Variants in STMN3 observed in about 807,000 individuals in gnomAD.
The protein encoded by STMN3 is stathmin 3, also known as stathmin-3.
A neutral mutation model predicts 23.2 loss-of-function variants in STMN3; 24 were observed. The ratio of observed to expected loss-of-function variants is 1.03; its 90% CI spans 0.75 to 1.45. STMN3 has a LOEUF of 1.45. Among genes scored for constraint, STMN3 ranks in the 40% most tolerant of loss-of-function variants. STMN3 has a pLI of 0.00. For missense variants in STMN3, 235 were observed against 237.6 expected (o/e 0.99, Z 0.07); for synonymous variants, 117 against 103.4 (o/e 1.13, Z -0.80).
intron 1 of STMN3, among the ~76,000 whole-genome samples, chr20:63,646,285 C>G (rs1444046571): frequency 2.0e-5 from 3 of 151,906 alleles, no homozygotes; most frequent in Non-Finnish European, 2.9e-5. Flanking sequence ...TGGTCATTGT[C>G]TTCAGGGAGG....
intron 1 of STMN3, among the ~76,000 whole-genome samples, chr20:63,649,930 G>A (rs2089844524): frequency 6.9e-6 from 1 of 145,436 alleles, no homozygotes; most frequent in South Asian, 2.2e-4. Context: ...CAGTTCAAGT[G>A]ATTCTCCTGC....
At chr20:63,647,651 T>C (rs554000777) in intron 1 of STMN3, among the ~76,000 whole-genome samples, 115 of 134,310 alleles carry the variant, frequency 8.6e-4, no homozygotes, top group East Asian at 3.4e-3. Context: ...TATATATACA[T>C]GTATATATAT....
intron 1 of STMN3, among the ~76,000 whole-genome samples, chr20:63,649,888 G>A (rs779765126): frequency 1.4e-5 from 2 of 146,734 alleles, no homozygotes; most frequent in East Asian, 2.0e-4. Context: ...GTGCAGTGGC[G>A]CGATGTCGGC....
chr20:63,644,951 G>A (rs1006776719), intron 1 of STMN3, among the ~76,000 whole-genome samples: 1 of 152,168 alleles, frequency 6.6e-6, no homozygotes, highest in Non-Finnish European at 1.5e-5. Flanking sequence ...TCAGGTACCT[G>A]CCCAGACTGA....
At position 63,641,376 on chromosome 20, in the gene STMN3, G is replaced by T; in HGVS notation, c.505C>A (p.Arg169Ser). The T allele has an allele frequency of 6.4e-7, 1 of 1,568,800 alleles. No homozygotes were observed. The highest frequency in any genetic ancestry group is 1.2e-5 in the South Asian group (1 of 85,488). Reference protein sequence around the residue: ...REKELHAAEVRRNKEQREEMS... With the variant: ...REKELHAAEVSRNKEQREEMS... ...TCTTCTCGCTGCTCCTTGTTCCTGC[G>T]CACCTCGGCCGCGTGCAGCTCCTGC... The change falls in exon 5 of 5, where the codon CGC becomes AGC. Residue 169 changes from arginine to serine, a missense_variant. Arg to Ser is a moderately radical substitution (Grantham distance 110). Transcript: ENST00000370053.
At chr20:63,641,418 G>A (rs755128075) in intron 4 of STMN3, 21 bp from the exon 5 acceptor site, 80 of 1,554,608 alleles carry the variant, frequency 5.1e-5, no homozygotes, top group Non-Finnish European at 6.1e-5. Context: ...GGGGGCGGGA[G>A]GGCCTGAGGG....
intron 1 of STMN3, among the ~76,000 whole-genome samples, chr20:63,647,991 T>TATATATATATATAAAC (rs1288050001): frequency 1.3e-5 from 1 of 75,894 alleles, no homozygotes; most frequent in Non-Finnish European, 2.7e-5. Context: ...CATATATATA[T>TATATATATATATAAAC]ACAGAGAGAG....
At chr20:63,649,694 C>G (rs2089842697) in intron 1 of STMN3, among the ~76,000 whole-genome samples, 1 of 152,046 alleles carries the variant, frequency 6.6e-6, no homozygotes, top group Non-Finnish European at 1.5e-5. Context: ...CCACGCCCAG[C>G]TAATTTTTTG....
In STMN3 at chr20:63,641,009, G is replaced by A. The variant is rs1161035849; in HGVS notation, c.*329C>T. 2.1e-5 allele frequency: 9 copies of A among 431,998 alleles called. No individual in the cohort carries two copies. Among genetic ancestry groups the A allele is most frequent in the Non-Finnish European group, 3.5e-5 (8 of 229,396 alleles). The allele number at this position is 431,998 out of a possible 1,614,324, so 26.8% of individuals were successfully genotyped here. ...GCACGTGCTGACCAGACAGCCCAGC[G>A]TAAGGACCCGTGATCCCACGCCACC... is the stretch of plus-strand genomic sequence containing the variant. On this transcript the variant is annotated 3_prime_UTR_variant, in exon 5 of 5. Coordinates refer to ENST00000370053, the MANE Select transcript of STMN3 (RefSeq NM_015894.4).
intron 1 of STMN3, among the ~76,000 whole-genome samples, chr20:63,650,736 C>T (rs1194612262): frequency 1.3e-5 from 1 of 77,004 alleles, no homozygotes; most frequent in Non-Finnish European, 2.5e-5. Context: ...GGATGGTGCC[C>T]GCTCCCAGGG....
At chr20:63,642,922 G>C (rs2089780442) in intron 3 of STMN3, among the ~76,000 whole-genome samples, 2 of 152,128 alleles carry the variant, frequency 1.3e-5, no homozygotes, top group Admixed American at 6.5e-5. Flanking sequence ...CGCTTCCCCT[G>C]CCCAATGCGT....
intron 2 of STMN3, 133 bp from the exon 3 acceptor site, chr20:63,644,064 G>A (rs2089789838): frequency 2.2e-6 from 3 of 1,386,904 alleles, no homozygotes; most frequent in Non-Finnish European, 2.0e-6. Context: ...GGAATCCCAG[G>A]CTTCAGCCCC....
intron 1 of STMN3, among the ~76,000 whole-genome samples, chr20:63,651,854 CAGATGCCG>C (rs1437399440): frequency 6.6e-6 from 1 of 152,160 alleles, no homozygotes; most frequent in Admixed American, 6.5e-5. Flanking sequence ...AGCCAGTGCC[CAGATGCCG>C]AGATGCCCTC....
At position 63,647,930 on chromosome 20, in the gene STMN3, GTA is replaced by G. The variant is rs369925756; in HGVS notation, c.20-3623_20-3622del. ...CGTGTGTATATATTAATATATATAC[GTA>G]TATATGTGTGTGTGTGTATATATAT... On this transcript the variant is annotated intron_variant, in intron 1 of 4. Coordinates refer to ENST00000370053, the MANE Select transcript of STMN3 (RefSeq NM_015894.4). 1.1e-4 allele frequency among the ~76,000 whole-genome samples: 7 copies of G among 64,842 alleles called. 1 individual carries two copies. Among genetic ancestry groups the G allele is most frequent in the East Asian group, 5.2e-4 (2 of 3,882 alleles). 42.5% of individuals were successfully genotyped at this position (64,842 alleles called of 152,430 possible).
intron 1 of STMN3, among the ~76,000 whole-genome samples, chr20:63,651,320 CAG>C (rs2089857126): frequency 6.6e-6 from 1 of 152,216 alleles, no homozygotes; most frequent in Non-Finnish European, 1.5e-5. Context: ...CAGCATCACA[CAG>C]AGTGCCGGGT....
chr20:63,641,461 C>G, intron 4 of STMN3, 64 bp from the exon 5 acceptor site: 1 of 1,400,392 alleles, frequency 7.1e-7, no homozygotes, highest in South Asian at 1.2e-5. Context: ...CGGGAACCCC[C>G]AGGCGCGCAG....
chr20:63,647,908 GTGTATATATTAATATATATACGTATATA>G, intron 1 of STMN3, among the ~76,000 whole-genome samples: 1 of 120,662 alleles, frequency 8.3e-6, no homozygotes, highest in African/African-American at 3.0e-5. Context: ...ATATACACGT[GTGTATATATTAATATATATACGTATATA>G]TGTGTGTGTG....
intron 2 of STMN3, 46 bp downstream of exon 2, chr20:63,644,168 G>T: frequency 6.5e-7 from 1 of 1,546,950 alleles, no homozygotes. Context: ...AAAAGGTGAG[G>T]TGGGCAGGCA....
In STMN3 at chr20:63,652,835, C is replaced by T. The variant is rs983676205; in HGVS notation, c.19+492G>A. 7.2e-6 allele frequency: 7 copies of T among 968,908 alleles called. No individual in the cohort carries two copies. The African/African-American group carries it at 8.8e-5, about 12-fold the overall frequency. 60.0% of individuals were successfully genotyped at this position (968,908 alleles called of 1,614,324 possible). ...TGGCCCGCCCCCCTCCTTCAGCGCC[C>T]CCTCCAGCCCCTGTGCTGCACTGGC... is the stretch of plus-strand genomic sequence containing the variant. On this transcript the variant is annotated intron_variant, in intron 1 of 4. Coordinates refer to ENST00000370053, the MANE Select transcript of STMN3 (RefSeq NM_015894.4). This position sits in a 1 kb window ranked among gnomAD's most constrained non-coding sequence, Gnocchi z 5.3.
Sources: allele counts gnomAD v4.1 joint callset (sites outside exome capture counted in the v4.1 genomes callset), GRCh38; gene constraint gnomAD v4.1.1; non-coding constraint Gnocchi (gnomAD v3.1); transcripts MANE v1.5; gene names NCBI Gene and HGNC (gene_info 2026-07-23, HGNC 2026-07-21).